The following ADGRA3 variants were observed in gnomAD, a reference collection of about 807,000 sequenced individuals.
ADGRA3 encodes adhesion G protein-coupled receptor A3.
A neutral mutation model predicts 119.8 loss-of-function variants in ADGRA3; 56 were observed. The ratio of observed to expected loss-of-function variants is 0.47; its 90% CI spans 0.38 to 0.58. ADGRA3 has a LOEUF of 0.58. ADGRA3 is among the 20% of genes least tolerant of loss of function. The pLI, the probability that ADGRA3 is intolerant of heterozygous loss-of-function variation, is 0.00. For synonymous variants in ADGRA3, 607 were observed against 623.8 expected (o/e 0.97, Z 0.40); for missense variants, 1,516 against 1,649.0 (o/e 0.92, Z 1.40).
intron 2 of ADGRA3, among the ~76,000 whole-genome samples, chr4:22,470,193 G>T (rs919423971): frequency 1.3e-5 from 2 of 151,670 alleles, no homozygotes; most frequent in Admixed American, 1.3e-4. Context: ...CTACTGCATA[G>T]ACTTCTAAAA....
chr4:22,486,487 C>T (rs953631501), intron 1 of ADGRA3, among the ~76,000 whole-genome samples: 1 of 152,152 alleles, frequency 6.6e-6, no homozygotes, highest in African/African-American at 2.4e-5. Context: ...AAACCTCATA[C>T]ATCAACCAAA....
In ADGRA3 at chr4:22,402,549, T is replaced by C. The variant is rs1714709111; in HGVS notation, c.2357+126A>G. 3.3e-6 allele frequency: 3 copies of C among 904,506 alleles called. No individual in the cohort carries two copies. The South Asian group carries it at 4.9e-5, about 15-fold the overall frequency. 56.0% of individuals were successfully genotyped at this position (904,506 alleles called of 1,614,324 possible). ...ATGAAATGAAGGCATGTATATATTC[T>C]AAAGTCATCATCCTTACTTTGGAAA... On this transcript the variant is annotated intron_variant, in intron 15 of 18. Transcript: ENST00000334304.
At chr4:22,393,025 TTTC>T (rs954423160) in intron 16 of ADGRA3, 2 of 173,378 alleles carry the variant, frequency 1.2e-5, no homozygotes, top group African/African-American at 2.4e-5. Flanking sequence ...TAGAGTTCAT[TTTC>T]TTTTTTTTTT....
At chr4:22,418,262 C>T (rs1715507331) in intron 12 of ADGRA3, among the ~76,000 whole-genome samples, 1 of 152,156 alleles carries the variant, frequency 6.6e-6, no homozygotes, top group African/African-American at 2.4e-5. Flanking sequence ...CAGCACTAGG[C>T]CTGCCCTCAG....
rs74406494 is a variant in ADGRA3 at position 22,413,075 on chromosome 4, T to TAAA, written c.2232+104_2232+106dup. 1.1e-3 allele frequency: 774 copies of TAAA among 726,476 alleles called. 4 individuals are homozygous for TAAA. Among genetic ancestry groups the TAAA allele is most frequent in the South Asian group, 3.0e-3 (157 of 51,530 alleles). 45.0% of individuals were successfully genotyped at this position (726,476 alleles called of 1,614,324 possible). Reference sequence around the variant, plus strand: ...CAAAGGGAGCAAATTATGTTAAAAGTAAAAAAAAAAAAAAAACAAAAAACA... The same window carrying TAAA: ...CAAAGGGAGCAAATTATGTTAAAAGTAAAAAAAAAAAAAAAAAAACAAAAAACA... On this transcript the variant is annotated intron_variant, in intron 14 of 18. Transcript: ENST00000334304.
chr4:22,468,604 AC>A (rs1717747067), intron 2 of ADGRA3, among the ~76,000 whole-genome samples: 1 of 152,058 alleles, frequency 6.6e-6, no homozygotes, highest in Non-Finnish European at 1.5e-5. Flanking sequence ...CCCCATCTCT[AC>A]CCAAAATACA....
intron 5 of ADGRA3, 76 bp from the exon 6 acceptor site, chr4:22,445,209 T>C: frequency 7.6e-7 from 1 of 1,322,962 alleles, no homozygotes; most frequent in Non-Finnish European, 1.1e-6. Context: ...TTGGGTTACA[T>C]TTCTGGTGGC....
At chr4:22,498,104 G>C (rs2109163175) in intron 1 of ADGRA3, among the ~76,000 whole-genome samples, 1 of 151,952 alleles carries the variant, frequency 6.6e-6, no homozygotes, top group East Asian at 1.9e-4. Context: ...AGCCGGGCGT[G>C]CTGGCAGGAG....
chr4:22,451,875 T>G (rs1283425955), intron 4 of ADGRA3, among the ~76,000 whole-genome samples: 1 of 152,222 alleles, frequency 6.6e-6, no homozygotes, highest in Non-Finnish European at 1.5e-5. Flanking sequence ...ATGTATTACA[T>G]GCTCCATTCC....
chr4:22,413,243 T>C lies in ADGRA3; in HGVS notation c.2171A>G (p.Tyr724Cys), dbSNP rs372587041. 2.2e-5 allele frequency: 36 copies of C among 1,614,002 alleles called. No individual in the cohort carries two copies. Among genetic ancestry groups the C allele is most frequent in the Non-Finnish European group, 3.0e-5 (35 of 1,179,990 alleles). ...AATCGTAGTGATATTTTCATCTGAA[T>C]AGAGTATATGGCACCCATCTGACTT... is the stretch of plus-strand genomic sequence containing the variant. ...GWKSDGCHIL[Y>C]SDENITTIQC... The change falls in exon 14 of 19, where the codon TAT (tyrosine) becomes TGT (cysteine). Residue 724 changes from tyrosine to cysteine, a missense_variant. By Grantham distance (194) the Tyr-to-Cys change is radical. Around this residue, in one of 2 missense-constraint regions of ADGRA3, gnomAD observed 1,088 missense variants for 1,107.1 expected, o/e 0.98. Transcript: ENST00000334304.
At chr4:22,484,502 G>T (rs1391184169) in intron 1 of ADGRA3, among the ~76,000 whole-genome samples, 1 of 151,984 alleles carries the variant, frequency 6.6e-6, no homozygotes, top group Admixed American at 6.5e-5. Context: ...CTACTAGGAA[G>T]GCTGAAGCAA....
intron 1 of ADGRA3, among the ~76,000 whole-genome samples, chr4:22,475,291 G>C (rs910925549): frequency 2.0e-4 from 30 of 152,150 alleles, no homozygotes; most frequent in African/African-American, 6.8e-4. Flanking sequence ...TATCCATTAA[G>C]TTTCAAATTC....
At chr4:22,436,355 TAAAAAA>T in intron 9 of ADGRA3, 79 bp downstream of exon 9, 1 of 857,122 alleles carries the variant, frequency 1.2e-6, no homozygotes, top group Non-Finnish European at 1.8e-6. Flanking sequence ...TGCCTAGTAT[TAAAAAA>T]AAAAAAAAAA....
chr4:22,453,931 A>C (rs570610722), intron 4 of ADGRA3, among the ~76,000 whole-genome samples: 2 of 152,034 alleles, frequency 1.3e-5, no homozygotes, highest in Non-Finnish European at 2.9e-5. Context: ...GGCTCACTGC[A>C]ACCTCTGCAA....
intron 1 of ADGRA3, among the ~76,000 whole-genome samples, chr4:22,493,716 C>G (rs1423256463): frequency 2.0e-5 from 3 of 152,170 alleles, no homozygotes; most frequent in Non-Finnish European, 1.5e-5. Flanking sequence ...TGAACCAGAG[C>G]AAGTCCATCT....
In ADGRA3 at chr4:22,402,734, G is replaced by T. The variant is rs61736467; in HGVS notation, c.2298C>A (p.Thr766=). Residue 766 remains threonine, a synonymous_variant, in exon 15 of 19, where the codon ACC becomes ACA. Coordinates refer to ENST00000334304, the MANE Select transcript of ADGRA3 (RefSeq NM_145290.4). ...ASLLHPVVYT[T]AIILLLCLLA... Reference sequence around the variant, plus strand: ...AGAGACATAAGAGGAGAATGATAGCGGTAGTATAAACCACAGGATGCAGGA... The same window carrying T: ...AGAGACATAAGAGGAGAATGATAGCTGTAGTATAAACCACAGGATGCAGGA... 1.2e-6 allele frequency: 2 copies of T among 1,613,548 alleles called. No homozygotes were observed. The highest frequency in any genetic ancestry group is 1.7e-6 in the Non-Finnish European group (2 of 1,179,558).
intron 3 of ADGRA3, among the ~76,000 whole-genome samples, chr4:22,459,234 T>C (rs1003611349): frequency 3.9e-5 from 6 of 152,188 alleles, no homozygotes; most frequent in African/African-American, 1.2e-4. Context: ...TTGCAAATAC[T>C]GCACGTTCTC....
At chr4:22,459,931 T>C (rs538743933) in intron 3 of ADGRA3, among the ~76,000 whole-genome samples, 143 of 152,060 alleles carry the variant, frequency 9.4e-4, no homozygotes, top group African/African-American at 3.3e-3. Flanking sequence ...ACATTTTTAA[T>C]ATAGCAGGTC....
chr4:22,459,959 T>G (rs1717382436), intron 3 of ADGRA3, among the ~76,000 whole-genome samples: 1 of 152,210 alleles, frequency 6.6e-6, no homozygotes, highest in Non-Finnish European at 1.5e-5. Context: ...TCCCAGTCCC[T>G]GACCGGCCTG....
Sources: gnomAD v4.1 joint callset for allele counts (sites outside exome capture counted in the v4.1 genomes callset) on GRCh38, gnomAD v4.1.1 for gene constraint, gnomAD v4.1.1 regional missense constraint, MANE v1.5 for transcripts, NCBI Gene and HGNC (gene_info 2026-07-23, HGNC 2026-07-21) for gene names.